The following MGST1 variants were observed in gnomAD, a reference collection of about 807,000 sequenced individuals.
MGST1 encodes microsomal glutathione S-transferase 1.
MGST1 carries 5 observed loss-of-function variants against 8.9 expected under a neutral mutation model. The observed-to-expected ratio is 0.56, with a 90% CI of 0.29 to 1.19. The LOEUF (loss-of-function observed/expected upper bound fraction) is 1.19, where lower values mean the gene tolerates loss of function less well. MGST1 is among the 50% of genes most tolerant of loss of function. MGST1 has a pLI of 0.08. For synonymous variants in MGST1, 54 were observed against 67.8 expected, an observed-to-expected ratio of 0.80 and a Z score of 1.00; for missense variants, 182 against 187.4, an observed-to-expected ratio of 0.97 and a Z score of 0.17.
chr12:16,465,893 T>C (rs1417621230), intron 4 of MGST1, among the ~76,000 whole-genome samples: 1 of 152,208 alleles, frequency 6.6e-6, no homozygotes, highest in African/African-American at 2.4e-5. Context: ...ATGATAGTTT[T>C]GTTCCCAACT....
intron 1 of MGST1, among the ~76,000 whole-genome samples, chr12:16,428,437 G>A (rs574565662): frequency 4.0e-5 from 6 of 150,978 alleles, no homozygotes; most frequent in South Asian, 2.1e-4. Context: ...AGTTATATTC[G>A]TGACTTCTTA....
rs1376317945 is a variant in MGST1 at position 16,514,890 on chromosome 12, A to G, written n.483-74638A>G. On this transcript the variant is annotated intron_variant and non_coding_transcript_variant, in intron 4 of 4. Transcript: ENST00000538857. ...GTCTGGAACATTGTGGCTCTAAACA[A>G]AACTCTACCCTATCCTTTTAATCCA... Among the ~76,000 whole-genome samples the G allele has an allele frequency of 2.6e-5, 4 of 152,218 alleles. No homozygotes were observed. The East Asian group carries it at 5.8e-4, about 22-fold the overall frequency.
At chr12:16,391,241 T>C (rs548457954) in intron 1 of MGST1, among the ~76,000 whole-genome samples, 1 of 151,978 alleles carries the variant, frequency 6.6e-6, no homozygotes, top group South Asian at 2.1e-4. Context: ...TTGCTGCAGC[T>C]ATCAACCCAT....
In MGST1 at chr12:16,413,564, C is replaced by A. The variant is rs1442728923; in HGVS notation, n.779-23824C>A. ...GTAGATGGTGAAATACCCATCACACCTGATTCCCTTTTATCCCCTCCCCAG... is the reference window on the plus strand; with the variant it reads ...GTAGATGGTGAAATACCCATCACACATGATTCCCTTTTATCCCCTCCCCAG... On this transcript the variant is annotated intron_variant and non_coding_transcript_variant, in intron 1 of 1. Coordinates refer to the MGST1 transcript ENST00000359720. This position sits in a 1 kb window ranked among gnomAD's most constrained non-coding sequence, Gnocchi z 4.0. Among the ~76,000 whole-genome samples, 1 of 152,164 alleles carries A rather than the reference C, an allele frequency of 6.6e-6. No individual in the cohort carries two copies. Among genetic ancestry groups the A allele is most frequent in the African/African-American group, 2.4e-5 (1 of 41,436 alleles).
At chr12:16,588,944 A>T (rs1366495645) in intron 4 of MGST1, among the ~76,000 whole-genome samples, 1 of 152,020 alleles carries the variant, frequency 6.6e-6, no homozygotes, top group Non-Finnish European at 1.5e-5. Context: ...CTCTTTCCCT[A>T]CTGTGGTCCA....
At chr12:16,457,799 A>T (rs1000475537) in intron 4 of MGST1, among the ~76,000 whole-genome samples, 4 of 152,054 alleles carry the variant, frequency 2.6e-5, no homozygotes, top group African/African-American at 9.7e-5. Flanking sequence ...TGAAATTTTC[A>T]TTATAATAGA....
chr12:16,516,409 T>C (rs947767061), intron 4 of MGST1, among the ~76,000 whole-genome samples: 5 of 152,142 alleles, frequency 3.3e-5, no homozygotes, highest in African/African-American at 9.7e-5. Context: ...CCTGAGAGAA[T>C]AGGTAATGTT....
chr12:16,518,334 T>C (rs1232076552), intron 4 of MGST1, among the ~76,000 whole-genome samples: 2 of 152,190 alleles, frequency 1.3e-5, no homozygotes, highest in African/African-American at 2.4e-5. Context: ...ATGTGGCTTA[T>C]TCCTGTTCAG....
chr12:16,391,499 T>C (rs916766988), intron 1 of MGST1, among the ~76,000 whole-genome samples: 4 of 152,176 alleles, frequency 2.6e-5, no homozygotes. Flanking sequence ...CTTGAACTCA[T>C]TTTTTATGGC....
chr12:16,364,212 T>G lies in MGST1; in HGVS notation c.*171T>G. On this transcript the variant is annotated 3_prime_UTR_variant, in exon 4 of 4. Coordinates refer to ENST00000396210, the MANE Select transcript of MGST1 (RefSeq NM_020300.5). This position sits in a 1 kb window ranked among gnomAD's most constrained non-coding sequence, Gnocchi z 5.7. ...AATATCCTGTATTCTTGTTTTACAT[T>G]TGGATTAGAAATTTAACATAGTAAT... 7.8e-7 allele frequency: 1 copy of G among 1,288,220 alleles called. No homozygotes were observed. Among genetic ancestry groups the G allele is most frequent in the Non-Finnish European group, 9.8e-7 (1 of 1,017,422 alleles). The allele number at this position is 1,288,220 out of a possible 1,614,324, so 79.8% of individuals were successfully genotyped here.
intron 4 of MGST1, among the ~76,000 whole-genome samples, chr12:16,492,165 T>C (rs1201985554): frequency 1.3e-5 from 2 of 152,202 alleles, no homozygotes; most frequent in Admixed American, 1.3e-4. Flanking sequence ...CAAATTAGAT[T>C]TCTCACCTAA....
chr12:16,579,891 T>A (rs1943105658), intron 4 of MGST1, among the ~76,000 whole-genome samples: 1 of 152,212 alleles, frequency 6.6e-6, no homozygotes, highest in African/African-American at 2.4e-5. Context: ...TTGTTATTTA[T>A]ACCCACTAGG....
intron 1 of MGST1, among the ~76,000 whole-genome samples, chr12:16,425,530 C>T (rs1940878026): frequency 1.3e-5 from 2 of 152,300 alleles, no homozygotes; most frequent in Middle Eastern, 3.4e-3. Flanking sequence ...AGTGATCTGC[C>T]TTCCAGGCCT....
At chr12:16,541,085 A>G (rs113211339) in intron 4 of MGST1, among the ~76,000 whole-genome samples, 109 of 152,350 alleles carry the variant, frequency 7.2e-4, no homozygotes, top group African/African-American at 2.4e-3. Context: ...TTCTTCATGT[A>G]ATATTTTAAA....
chr12:16,561,751 A>C (rs1260519824), intron 4 of MGST1, among the ~76,000 whole-genome samples: 1 of 152,208 alleles, frequency 6.6e-6, no homozygotes, highest in Non-Finnish European at 1.5e-5. Context: ...AGTTGTTGGA[A>C]ACAGTTGTGA....
intron 4 of MGST1, among the ~76,000 whole-genome samples, chr12:16,486,837 A>C (rs1740161320): frequency 6.6e-6 from 1 of 152,202 alleles, no homozygotes; most frequent in Non-Finnish European, 1.5e-5. Context: ...CTAATTCTTC[A>C]AAGCTAAGGT....
chr12:16,397,709 T>C (rs1384283263), intron 1 of MGST1, among the ~76,000 whole-genome samples: 1 of 150,142 alleles, frequency 6.7e-6, no homozygotes, highest in Non-Finnish European at 1.5e-5. Context: ...TGATCAGTAA[T>C]GATCAGGGAA....
In MGST1 at chr12:16,364,344, G is replaced by GCA; in HGVS notation, c.*305_*306dup. The GCA allele has an allele frequency of 9.7e-7, 1 of 1,031,852 alleles. No homozygotes were observed. Among genetic ancestry groups the GCA allele is most frequent in the Non-Finnish European group, 1.2e-6 (1 of 859,370 alleles). The allele number at this position is 1,031,852 out of a possible 1,614,324, so 63.9% of individuals were successfully genotyped here. On this transcript the variant is annotated 3_prime_UTR_variant, in exon 4 of 4. Transcript: ENST00000396210. The surrounding 1 kb of genome is among the most constrained non-coding windows in gnomAD (Gnocchi z 5.7). ...TCACTTTTGAATCTATAAAAGAATTGCACGTATGAGAAACCTATATTTCAA... is the reference window on the plus strand; with the variant it reads ...TCACTTTTGAATCTATAAAAGAATTGCACACGTATGAGAAACCTATATTTCAA...
chr12:16,469,974 A>T (rs978614378), intron 4 of MGST1, among the ~76,000 whole-genome samples: 4 of 152,244 alleles, frequency 2.6e-5, no homozygotes, highest in African/African-American at 9.6e-5. Context: ...TATATACGGC[A>T]AAAGAGTGAA....
Sources: gnomAD v4.1 joint callset for allele counts (sites outside exome capture counted in the v4.1 genomes callset) on GRCh38, gnomAD v4.1.1 for gene constraint, Gnocchi (gnomAD v3.1) non-coding constraint, MANE v1.5 for transcripts, NCBI Gene and HGNC (gene_info 2026-07-23, HGNC 2026-07-21) for gene names.